TUSC3: variants seen among roughly 807,000 people sequenced by gnomAD.
TUSC3 encodes the protein tumor suppressor candidate 3.
Under a neutral mutation model 44.8 loss-of-function variants are expected in TUSC3, and 45 were observed. The observed-to-expected ratio is 1.00, with a 90% confidence interval of 0.79 to 1.29. The LOEUF (loss-of-function observed/expected upper bound fraction) is 1.29, where lower values mean the gene tolerates loss of function less well. TUSC3 is among the 50% of genes most tolerant of loss of function. The probability of loss-of-function intolerance (pLI) is 0.00; values close to 1 mark genes in which losing one functional copy is unlikely to be tolerated. For synonymous variants in TUSC3, 212 were observed against 152.9 expected (o/e 1.39, Z -2.85); for missense variants, 519 against 437.9 (o/e 1.19, Z -1.65).
chr8:15,483,890 C>T (rs1346649447), intron 2 of TUSC3, among the ~76,000 whole-genome samples: 1 of 151,538 alleles, frequency 6.6e-6, no homozygotes, highest in African/African-American at 2.4e-5. Context: ...ATCTCCTGAC[C>T]TCGTGATCCA....
intron 9 of TUSC3, among the ~76,000 whole-genome samples, chr8:15,753,897 G>A (rs546004511): frequency 6.6e-6 from 1 of 151,902 alleles, no homozygotes; most frequent in African/African-American, 2.4e-5. Flanking sequence ...TGTCAAAGAG[G>A]GAACAAATAG....
intron 6 of TUSC3, among the ~76,000 whole-genome samples, chr8:15,701,133 A>T (rs1437872919): frequency 1.3e-5 from 2 of 152,120 alleles, no homozygotes; most frequent in Non-Finnish European, 2.9e-5. Flanking sequence ...ACAGAAGTAA[A>T]ATGTACAAAT....
intron 1 of TUSC3, among the ~76,000 whole-genome samples, chr8:15,622,287 T>C (rs1191429505): frequency 6.6e-6 from 1 of 152,118 alleles, no homozygotes; most frequent in Non-Finnish European, 1.5e-5. Context: ...AGAGCCTTTT[T>C]TTTTCCTTCC....
the TUSC3 span, among the ~76,000 whole-genome samples, chr8:15,830,628 G>T: frequency 6.6e-6 from 1 of 152,106 alleles, no homozygotes; most frequent in African/African-American, 2.4e-5. Flanking sequence ...TAGAGGTGGA[G>T]GCCCTTATCC....
the TUSC3 span, among the ~76,000 whole-genome samples, chr8:15,783,038 A>G: frequency 6.6e-6 from 1 of 152,240 alleles, no homozygotes; most frequent in East Asian, 1.9e-4. Context: ...TCAATATACA[A>G]AAATCACCAT....
intron 6 of TUSC3, among the ~76,000 whole-genome samples, chr8:15,705,913 T>C (rs891853758): frequency 1.3e-5 from 2 of 152,090 alleles, no homozygotes; most frequent in African/African-American, 4.8e-5. Flanking sequence ...CTCTGTGCTG[T>C]GACGTAACAG....
intron 1 of TUSC3, among the ~76,000 whole-genome samples, chr8:15,602,534 A>T (rs544854622): frequency 6.6e-6 from 1 of 151,734 alleles, no homozygotes; most frequent in South Asian, 2.1e-4. Flanking sequence ...GCTGTGAGGT[A>T]AGTAACATGG....
chr8:15,533,581 G>T (rs2129130950), intron 2 of TUSC3, among the ~76,000 whole-genome samples: 1 of 152,286 alleles, frequency 6.6e-6, no homozygotes, highest in African/African-American at 2.4e-5. Context: ...TTTTATCTTT[G>T]TTGCTGTCTT....
intron 2 of TUSC3, among the ~76,000 whole-genome samples, chr8:15,499,298 A>G (rs1193437747): frequency 6.6e-6 from 1 of 152,216 alleles, no homozygotes; most frequent in African/African-American, 2.4e-5. Context: ...TTCAAACCAT[A>G]AAAGGCACAG....
chr8:15,620,183 T>C (rs1805181580), intron 1 of TUSC3, among the ~76,000 whole-genome samples: 1 of 152,198 alleles, frequency 6.6e-6, no homozygotes, highest in Non-Finnish European at 1.5e-5. Flanking sequence ...CTCTAATCTG[T>C]TGAGGGTATA....
chr8:15,741,479 C>T (rs934396561), intron 7 of TUSC3, among the ~76,000 whole-genome samples: 5 of 152,130 alleles, frequency 3.3e-5, no homozygotes, highest in Non-Finnish European at 7.4e-5. Flanking sequence ...GAGACCGAGG[C>T]AGGCAGACCA....
intron 2 of TUSC3, among the ~76,000 whole-genome samples, chr8:15,523,666 G>A (rs59809990): frequency 0.2 from 4,937 of 25,138 alleles, 178 homozygotes; most frequent in Middle Eastern, 0.28. Context: ...ATATATATAT[G>A]TGTGTGTGTG....
upstream of TUSC3, among the ~76,000 whole-genome samples, chr8:15,537,830 T>C (rs939137300): frequency 1.3e-5 from 2 of 152,166 alleles, no homozygotes; most frequent in African/African-American, 4.8e-5. Context: ...TGTGATTATG[T>C]TGAGTATATC....
rs977089349 is a variant in TUSC3, at chr8:15,760,115, T to C, written c.*46+2260T>C. Reference sequence around the variant, plus strand: ...GTAGTGTCAGAATTATTTTAAGATATGCGCTGATCATGTTGCTTCTTCATT... The same window carrying C: ...GTAGTGTCAGAATTATTTTAAGATACGCGCTGATCATGTTGCTTCTTCATT... On this transcript the variant is annotated intron_variant, in intron 10 of 10. Transcript: ENST00000503731. 9.2e-5 allele frequency among the ~76,000 whole-genome samples: 14 copies of C among 152,174 alleles called. No individual in the cohort carries two copies. In the East Asian group the frequency reaches 2.5e-3, roughly 27 times the overall value.
the TUSC3 span, among the ~76,000 whole-genome samples, chr8:15,776,797 T>C: frequency 1.8e-4 from 28 of 152,272 alleles, no homozygotes; most frequent in East Asian, 3.7e-3. Flanking sequence ...GTCATTTTCA[T>C]TGGTGTCTTC....
At chr8:15,447,451 A>T (rs1800121623) in intron 1 of TUSC3, among the ~76,000 whole-genome samples, 1 of 152,218 alleles carries the variant, frequency 6.6e-6, no homozygotes. Context: ...TATGAAACTA[A>T]AAATGAATGT....
chr8:15,613,264 C>A (rs1183572830), intron 1 of TUSC3, among the ~76,000 whole-genome samples: 1 of 150,494 alleles, frequency 6.6e-6, no homozygotes, highest in Non-Finnish European at 1.5e-5. Flanking sequence ...TAGCACAGTG[C>A]TTTTCTTGTA....
the TUSC3 span, among the ~76,000 whole-genome samples, chr8:15,844,728 T>A: frequency 1.1e-3 from 170 of 152,298 alleles, no homozygotes; most frequent in African/African-American, 3.8e-3. Flanking sequence ...TTAGCATGCC[T>A]ACCTCATCAG....
At chr8:15,434,966 T>C (rs1489534355) in intron 1 of TUSC3, among the ~76,000 whole-genome samples, 2 of 149,948 alleles carry the variant, frequency 1.3e-5, no homozygotes, top group Non-Finnish European at 2.9e-5. Flanking sequence ...TCCAAGTCTT[T>C]GCTGTTGTGA....
Sources: allele counts gnomAD v4.1 joint callset (sites outside exome capture counted in the v4.1 genomes callset), GRCh38; gene constraint gnomAD v4.1.1; transcripts MANE v1.5; gene names NCBI Gene and HGNC (gene_info 2026-07-23, HGNC 2026-07-21).